Variants in PPFIA3 observed in about 807,000 individuals in gnomAD.
PPFIA3 encodes liprin-alpha-3.
Under a neutral mutation model 145.8 loss-of-function variants are expected in PPFIA3, and 26 were observed. The observed-to-expected ratio is 0.18, with a 90% CI of 0.13 to 0.25. The LOEUF (loss-of-function observed/expected upper bound fraction) is 0.25, where lower values mean the gene tolerates loss of function less well. Among genes scored for constraint, PPFIA3 ranks in the 10% least tolerant of loss-of-function variants. The pLI, the probability that PPFIA3 is intolerant of heterozygous loss-of-function variation, is 1.00. For missense variants in PPFIA3, 1,008 were observed against 1,587.8 expected (o/e 0.63, Z 6.21); for synonymous variants, 645 against 661.4 (o/e 0.98, Z 0.38).
intron 1 of PPFIA3, among the ~76,000 whole-genome samples, chr19:49,126,654 A>G (rs2041003524): frequency 6.7e-6 from 1 of 149,364 alleles, no homozygotes; most frequent in African/African-American, 2.5e-5. Context: ...TGAAGGAGGC[A>G]GGAGTTGGGC....
At chr19:49,136,635 G>A (rs2041140546) in intron 14 of PPFIA3, 89 bp from the exon 15 acceptor site, 2 of 836,716 alleles carry the variant, frequency 2.4e-6, no homozygotes, top group African/African-American at 1.8e-5. Context: ...GCATCAGTGA[G>A]GTCGGGCAAG....
chr19:49,128,009 C>T lies in PPFIA3; in HGVS notation c.136C>T (p.Leu46=). The T allele has an allele frequency of 2.5e-6, 4 of 1,596,508 alleles. No individual in the cohort carries two copies. In the East Asian group the frequency reaches 8.9e-5, roughly 36 times the overall value. Residue 46 remains leucine (L), a synonymous_variant, in exon 2 of 30, where the codon CTG becomes TTG. Transcript: ENST00000334186. The surrounding 1 kb of genome is among the most constrained non-coding windows in gnomAD (Gnocchi z 4.1). ...GGAGCGCGAGCGCCTGCTGGAGACG[C>T]TGCGCGAGGCACAGGACGGGTTGGC... is the stretch of plus-strand genomic sequence containing the variant. ...LTERERLLET[L]REAQDGLATA... is the part of the protein sequence containing the mutation.
chr19:49,143,693 C>G (rs147305026), intron 21 of PPFIA3, among the ~76,000 whole-genome samples: 2 of 152,206 alleles, frequency 1.3e-5, no homozygotes, highest in African/African-American at 4.8e-5. Context: ...CTTTTGATTA[C>G]GAGACATTTC....
Position 49,150,171 on chromosome 19 carries a change from ACC to A in PPFIA3, c.*13+21_*13+22del. The A allele has an allele frequency of 6.3e-7, 1 of 1,592,486 alleles. No homozygotes were observed. The highest frequency in any genetic ancestry group is 2.3e-5 in the East Asian group (1 of 44,208). ...CTCCAGGTGAGGACCGTGCTGGGCGACCTTGGGGGTGCGGGGCGGCACGGTGG... is the reference window on the plus strand; with the variant it reads ...CTCCAGGTGAGGACCGTGCTGGGCGATTGGGGGTGCGGGGCGGCACGGTGG... On this transcript the variant is annotated intron_variant, in intron 29 of 29. Transcript: ENST00000334186.
rs1349698880 is a variant in PPFIA3, at chr19:49,145,492, C to T, written c.2746-451C>T. On this transcript the variant is annotated intron_variant, in intron 21 of 29. Coordinates refer to ENST00000334186, the MANE Select transcript of PPFIA3 (RefSeq NM_003660.4). ...CCACACCCTATGACGGTGACTGGTG[C>T]CTGACACTCACCAGAAGTACATAAA... Among the ~76,000 whole-genome samples the T allele has an allele frequency of 2.0e-5, 3 of 152,160 alleles. No homozygotes were observed. The East Asian group carries it at 5.8e-4, about 29-fold the overall frequency.
intron 19 of PPFIA3, 69 bp downstream of exon 19, chr19:49,141,582 GCGTGTA>G (rs2122620803): frequency 7.9e-7 from 1 of 1,273,226 alleles, no homozygotes. Context: ...GTGTGTGTGT[GCGTGTA>G]TGTGTGTGTA....
chr19:49,141,391 T>C lies in PPFIA3; in HGVS notation c.2369-29T>C, dbSNP rs1185820730. ...AGATTCTGCCTCCCCCTTGAGATTT[T>C]CCAAATTTCGACCCCTCCCTGCCTC... On this transcript the variant is annotated intron_variant, in intron 18 of 29. Coordinates refer to ENST00000334186, the MANE Select transcript of PPFIA3 (RefSeq NM_003660.4). 2.5e-6 allele frequency: 4 copies of C among 1,577,648 alleles called. No individual in the cohort carries two copies. In the East Asian group the frequency reaches 9.0e-5, roughly 35 times the overall value.
In PPFIA3 at chr19:49,128,731, C is replaced by T. The variant is rs144303206; in HGVS notation, c.343-117C>T. The T allele has an allele frequency of 8.0e-5, 85 of 1,062,736 alleles. No individual in the cohort carries two copies. In the East Asian group the frequency reaches 2.0e-3, roughly 25 times the overall value. The allele number at this position is 1,062,736 out of a possible 1,614,324, so 65.8% of individuals were successfully genotyped here. The stretch of plus-strand genomic sequence containing the variant: ...TCTCTTTTCCTGACCTGTCTCGGTG[C>T]TCCTTTATATGGCTCCATCTTTTCC... On this transcript the variant is annotated intron_variant, in intron 3 of 29. Transcript: ENST00000334186. This position sits in a 1 kb window ranked among gnomAD's most constrained non-coding sequence, Gnocchi z 4.1.
chr19:49,139,516 G>T (rs1490417566), intron 16 of PPFIA3, 152 bp from the exon 17 acceptor site: 3 of 518,650 alleles, frequency 5.8e-6, no homozygotes, highest in Non-Finnish European at 8.9e-6. Flanking sequence ...AAAAGTTTCT[G>T]CAACTCACCC....
In PPFIA3 at chr19:49,141,439, G is replaced by C. The variant is rs1378156233; in HGVS notation, c.2388G>C (p.Glu796Asp). The C allele has an allele frequency of 1.2e-6, 2 of 1,613,922 alleles. No homozygotes were observed. The highest frequency in any genetic ancestry group is 1.7e-6 in the Non-Finnish European group (2 of 1,179,984). Residue 796 changes from glutamate to aspartate, a missense_variant, in exon 19 of 30, where the codon GAG becomes GAC. By Grantham distance (45) the Glu-to-Asp change is conservative. Around this residue, in one of 11 missense-constraint regions of PPFIA3, gnomAD observed 202 missense variants for 241.8 expected, o/e 0.84. Transcript: ENST00000334186. The part of the protein sequence containing the change: ...SSSLAGTPSD[E>D]TLATDPLGLA... ...CTCCAGCTGGAACACCCTCAGATGA[G>C]ACACTGGCCACTGACCCTCTGGGGC...
At chr19:49,124,016 A>T (rs1314606307) in intron 1 of PPFIA3, among the ~76,000 whole-genome samples, 1 of 152,000 alleles carries the variant, frequency 6.6e-6, no homozygotes, top group East Asian at 1.9e-4. Context: ...CTCAGTCTTT[A>T]TTCCAGGAAA....
Position 49,130,368 on chromosome 19 carries a change from C to A in PPFIA3, c.658-10C>A. ...CTCTGGGATCTTGTCCCCTCCTTCC[C>A]TCACTCCAGACTCTTGCCAATGGCC... On this transcript the variant is annotated splice_polypyrimidine_tract_variant and intron_variant, in intron 6 of 29. Coordinates refer to ENST00000334186, the MANE Select transcript of PPFIA3 (RefSeq NM_003660.4). This position sits in a 1 kb window ranked among gnomAD's most constrained non-coding sequence, Gnocchi z 4.5. The A allele has an allele frequency of 6.3e-7, 1 of 1,588,072 alleles. No homozygotes were observed. The highest frequency in any genetic ancestry group is 8.6e-7 in the Non-Finnish European group (1 of 1,165,122).
rs762601399 is a variant in PPFIA3, at chr19:49,133,899, C to T, written c.1245+20C>T. On this transcript the variant is annotated intron_variant, in intron 10 of 29. Transcript: ENST00000334186. This position sits in a 1 kb window ranked among gnomAD's most constrained non-coding sequence, Gnocchi z 7.2. Reference sequence around the variant, plus strand: ...CAGCGGGTGAGGGGGCGGAAGACTGCACAGAGGGTGGGGCTTCGAGGCTGG... The same window carrying T: ...CAGCGGGTGAGGGGGCGGAAGACTGTACAGAGGGTGGGGCTTCGAGGCTGG... The T allele has an allele frequency of 5.0e-6, 8 of 1,611,834 alleles. No homozygotes were observed. The highest frequency in any genetic ancestry group is 3.3e-5 in the Admixed American group (2 of 59,922).
In PPFIA3 at chr19:49,149,184, G is replaced by A; in HGVS notation, c.3285+16G>A. The A allele has an allele frequency of 6.2e-7, 1 of 1,613,854 alleles. No homozygotes were observed. The highest frequency in any genetic ancestry group is 8.5e-7 in the Non-Finnish European group (1 of 1,179,870). On this transcript the variant is annotated intron_variant, in intron 26 of 29. Coordinates refer to ENST00000334186, the MANE Select transcript of PPFIA3 (RefSeq NM_003660.4). The surrounding 1 kb of genome is among the most constrained non-coding windows in gnomAD (Gnocchi z 5.7). ...GAATGCACAGGTGAGCTGCCGCTGG[G>A]CCCGGAGCATGCTGGGCGTCCCCAC...
At position 49,149,523 on chromosome 19, in the gene PPFIA3, C is replaced by T. The variant is rs1225527476; in HGVS notation, c.3355-24C>T. ...GTCAGACAAGGCAGGAGTCCCTCACCGGCTGTCCGGCTCCTATACCTAGGA... is the reference window on the plus strand; with the variant it reads ...GTCAGACAAGGCAGGAGTCCCTCACTGGCTGTCCGGCTCCTATACCTAGGA... On this transcript the variant is annotated intron_variant, in intron 27 of 29. Coordinates refer to ENST00000334186, the MANE Select transcript of PPFIA3 (RefSeq NM_003660.4). This position sits in a 1 kb window ranked among gnomAD's most constrained non-coding sequence, Gnocchi z 5.7. The T allele has an allele frequency of 6.2e-7, 1 of 1,613,652 alleles. No homozygotes were observed.
At position 49,133,653 on chromosome 19, in the gene PPFIA3, G is replaced by A; in HGVS notation, c.1162-143G>A. ...GTCCTGAAAAAGTGGACTAGGCGCA[G>A]GGGCGGGGCCTGACTCAAAGGTGCA... On this transcript the variant is annotated intron_variant, in intron 9 of 29. Transcript: ENST00000334186. This position sits in a 1 kb window ranked among gnomAD's most constrained non-coding sequence, Gnocchi z 7.2. 1 of 970,896 alleles carries A rather than the reference G, an allele frequency of 1.0e-6. No homozygotes were observed. Among genetic ancestry groups the A allele is most frequent in the East Asian group, 2.6e-5 (1 of 38,368 alleles). The allele number at this position is 970,896 out of a possible 1,614,324, so 60.1% of individuals were successfully genotyped here. A position where few individuals can be genotyped will look rare whatever the true frequency, so the allele number is the denominator to read the frequency against.
At chr19:49,142,719 T>TC in intron 20 of PPFIA3, 85 bp from the exon 21 acceptor site, 3 of 1,212,416 alleles carry the variant, frequency 2.5e-6, no homozygotes, top group Admixed American at 1.9e-5. Flanking sequence ...CCCTTGCCTT[T>TC]CCCCACCTCC....
At position 49,150,895 on chromosome 19, in the gene PPFIA3, T is replaced by C. The variant is rs1004648709; in HGVS notation, c.*673T>C. 5.7e-6 allele frequency: 1 copy of C among 176,266 alleles called. No homozygotes were observed. Among genetic ancestry groups the C allele is most frequent in the South Asian group, 1.8e-4 (1 of 5,522 alleles). The allele number at this position is 176,266 out of a possible 1,614,324, so 10.9% of individuals were successfully genotyped here. On this transcript the variant is annotated 3_prime_UTR_variant, in exon 30 of 30. Coordinates refer to ENST00000334186, the MANE Select transcript of PPFIA3 (RefSeq NM_003660.4). ...GGGGTTTGCATGGGAGAATCCTCTT[T>C]CCACGATGCCGCTGGGCGACGTGGC... is the stretch of plus-strand genomic sequence containing the variant.
chr19:49,121,309 C>T (rs918435032), intron 1 of PPFIA3, among the ~76,000 whole-genome samples: 2 of 151,950 alleles, frequency 1.3e-5, no homozygotes, highest in African/African-American at 2.4e-5. Context: ...TTCTTTCTTT[C>T]TATTTATTTA....
Sources: allele counts gnomAD v4.1 joint callset (sites outside exome capture counted in the v4.1 genomes callset), GRCh38; gene constraint gnomAD v4.1.1; regional missense constraint gnomAD v4.1.1; non-coding constraint Gnocchi (gnomAD v3.1); transcripts MANE v1.5; gene names NCBI Gene and HGNC (gene_info 2026-07-23, HGNC 2026-07-21).